Variants in USP40 observed in about 807,000 individuals in gnomAD.
USP40 encodes the protein ubiquitin carboxyl-terminal hydrolase 40.
A neutral mutation model predicts 166.2 loss-of-function variants in USP40; 143 were observed. The ratio of observed to expected loss-of-function variants is 0.86; its 90% CI spans 0.75 to 0.99. The LOEUF is 0.99. Among genes scored for constraint, USP40 ranks in the 50% least tolerant of loss-of-function variants. USP40 has a pLI of 0.00. For synonymous variants in USP40, 498 were observed against 524.0 expected, an observed-to-expected ratio of 0.95 and a Z score of 0.68; for missense variants, 1,444 against 1,479.7, an observed-to-expected ratio of 0.98 and a Z score of 0.40.
intron 10 of USP40, among the ~76,000 whole-genome samples, chr2:233,539,212 C>A (rs79039941): frequency 8.2e-5 from 12 of 146,960 alleles, no homozygotes; most frequent in East Asian, 2.0e-4. Context: ...ATAGAAAAGG[C>A]AAAAAAAAAA....
chr2:233,530,286 A>C (rs2068419250), intron 11 of USP40, among the ~76,000 whole-genome samples: 1 of 151,892 alleles, frequency 6.6e-6, no homozygotes, highest in Non-Finnish European at 1.5e-5. Context: ...CAACAAATCT[A>C]TTTTCATTTC....
rs1227388181 is a variant in USP40 at position 233,562,781 on chromosome 2, T to C, written c.222A>G (p.Pro74=). The part of the protein sequence containing the change: ...EFREALFSLG[P]EELGLFEDKD... ...TATCTTCAAACAAACCAAGCTCTTC[T>C]GGGCCAAGAGAAAATAGAGCTTCTA... Residue 74 remains proline (P), a synonymous_variant, in exon 3 of 32, where the codon CCA becomes CCG. Transcript: ENST00000678225. 11 of 1,536,580 alleles carry C rather than the reference T, an allele frequency of 7.2e-6. No homozygotes were observed. The highest frequency in any genetic ancestry group is 9.7e-6 in the Non-Finnish European group (11 of 1,139,278).
intron 23 of USP40, among the ~76,000 whole-genome samples, chr2:233,497,162 A>C (rs2125096945): frequency 6.6e-6 from 1 of 152,302 alleles, no homozygotes; most frequent in East Asian, 1.9e-4. Context: ...TAACAGAAGG[A>C]ATTTCTCACG....
Position 233,475,940 on chromosome 2 carries a change from A to C in USP40, c.*1452T>G. The C allele has an allele frequency of 6.6e-6, 1 of 152,542 alleles. No homozygotes were observed. Among genetic ancestry groups the C allele is most frequent in the East Asian group, 1.9e-4 (1 of 5,328 alleles). 9.4% of individuals were successfully genotyped at this position (152,542 alleles called of 1,614,324 possible). ...ATCTCCCTCTGCAAAGACGCAGTCT[A>C]CACCCAGTGCGAGTCTCCTGAGCGG... On this transcript the variant is annotated 3_prime_UTR_variant, in exon 32 of 32. Coordinates refer to ENST00000678225, the MANE Select transcript of USP40 (RefSeq NM_001365479.2).
chr2:233,499,615 A>AT (rs1208739463), intron 22 of USP40, among the ~76,000 whole-genome samples: 3 of 152,186 alleles, frequency 2.0e-5, no homozygotes, highest in African/African-American at 7.2e-5. Flanking sequence ...CCTAATTTAC[A>AT]TTCCCACCAA....
At chr2:233,529,814 C>CTTTTTCTTTTTCT (rs776660309) in intron 11 of USP40, among the ~76,000 whole-genome samples, 1,343 of 133,870 alleles carry the variant, frequency 0.01, 44 homozygotes, top group African/African-American at 0.037. Flanking sequence ...TTTTCTTTTT[C>CTTTTTCTTTTTCT]TTTTTTTTTT....
chr2:233,495,599 CA>C (rs2125090899), intron 24 of USP40, among the ~76,000 whole-genome samples: 1 of 151,916 alleles, frequency 6.6e-6, no homozygotes, highest in Admixed American at 6.6e-5. Flanking sequence ...TCTTCAGTAA[CA>C]AAAAATGAGG....
rs376341226 is a variant in USP40, at chr2:233,485,551, C to T, written c.3484G>A (p.Gly1162Arg). The T allele has an allele frequency of 1.6e-5, 26 of 1,613,708 alleles. No individual in the cohort carries two copies. The highest frequency in any genetic ancestry group is 2.2e-5 in the East Asian group (1 of 44,894). Residue 1162 changes from glycine to arginine, a missense_variant, in exon 30 of 32, where the codon GGA (glycine) becomes AGA (arginine). Coordinates refer to ENST00000678225, the MANE Select transcript of USP40 (RefSeq NM_001365479.2). ...CTTACCTTAACACCAATAGTATCTC[C>T]GTCTTTCAAGTAATACGGTGCCCCT... Reference protein sequence around the residue: ...LQGAPYYLKDGDTIGVKNLLI... With the variant: ...LQGAPYYLKDRDTIGVKNLLI...
intron 10 of USP40, among the ~76,000 whole-genome samples, chr2:233,535,537 T>C (rs576105282): frequency 6.4e-4 from 98 of 152,334 alleles, no homozygotes; most frequent in African/African-American, 2.3e-3. Flanking sequence ...GGAAGGACCA[T>C]GACCCAGGGC....
intron 5 of USP40, among the ~76,000 whole-genome samples, chr2:233,555,899 G>A (rs1469612885): frequency 6.6e-6 from 1 of 151,900 alleles, no homozygotes; most frequent in Non-Finnish European, 1.5e-5. Flanking sequence ...CAGATCATGA[G>A]GTCAGGAGAT....
chr2:233,516,125 GA>G (rs1346687465), intron 18 of USP40, among the ~76,000 whole-genome samples: 10 of 151,646 alleles, frequency 6.6e-5, no homozygotes, highest in Admixed American at 3.3e-4. Context: ...CCCACTGGCT[GA>G]AAAAAAACAG....
chr2:233,549,019 T>C, intron 8 of USP40, 82 bp downstream of exon 8: 2 of 1,401,552 alleles, frequency 1.4e-6, no homozygotes, highest in Non-Finnish European at 1.9e-6. Flanking sequence ...ATATAATAAA[T>C]GGTAAACAAA....
In USP40 at chr2:233,561,162, T is replaced by C. The variant is rs544470808; in HGVS notation, c.268-1238A>G. ...CCAGTAAATCATAGATGTAATACCT[T>C]TGCATCGGGTTTATCCTTATCTTCA... On this transcript the variant is annotated intron_variant, in intron 3 of 31. Coordinates refer to ENST00000678225, the MANE Select transcript of USP40 (RefSeq NM_001365479.2). The C allele has an allele frequency of 2.5e-6, 4 of 1,576,214 alleles. No homozygotes were observed. The Admixed American group carries it at 5.5e-5, about 22-fold the overall frequency.
In USP40 at chr2:233,559,858, C is replaced by T. The variant is rs759558539; in HGVS notation, c.334G>A (p.Ala112Thr). ...AQLLLLDQEA[A>T]STADLTDSFG... is the part of the protein sequence containing the mutation. ...CTGTCAGTGAGGTCTGCTGTGGATGCAGCTTCCTGGTCTAAGAGCAGAAGC... is the reference window on the plus strand; with the variant it reads ...CTGTCAGTGAGGTCTGCTGTGGATGTAGCTTCCTGGTCTAAGAGCAGAAGC... Residue 112 changes from alanine (A) to threonine (T), a missense_variant, in exon 4 of 32, where the codon GCA becomes ACA. By Grantham distance (58) the Ala-to-Thr change is moderately conservative (BLOSUM62 0). Transcript: ENST00000678225. The T allele has an allele frequency of 1.2e-6, 2 of 1,610,610 alleles. No homozygotes were observed. Among genetic ancestry groups the T allele is most frequent in the African/African-American group, 1.3e-5 (1 of 74,998 alleles).
chr2:233,505,227 T>C (rs2066338192), intron 21 of USP40, among the ~76,000 whole-genome samples: 1 of 151,968 alleles, frequency 6.6e-6, no homozygotes, highest in Non-Finnish European at 1.5e-5. Context: ...AATAGATGCC[T>C]AGATCAAAAA....
intron 12 of USP40, 73 bp from the exon 13 acceptor site, chr2:233,527,651 A>G (rs750202931): frequency 4.3e-5 from 57 of 1,318,946 alleles, no homozygotes; most frequent in Non-Finnish European, 5.2e-5. Flanking sequence ...CAAACCAAAG[A>G]TATCTGGCTT....
chr2:233,515,034 C>T (rs2067091190), intron 18 of USP40, among the ~76,000 whole-genome samples: 1 of 152,200 alleles, frequency 6.6e-6, no homozygotes. Context: ...CTTTCTTTCT[C>T]TTGGCATAAT....
At chr2:233,522,246 T>C (rs2067709237) in intron 16 of USP40, among the ~76,000 whole-genome samples, 1 of 152,150 alleles carries the variant, frequency 6.6e-6, no homozygotes, top group Non-Finnish European at 1.5e-5. Flanking sequence ...ATGCTAACAG[T>C]GATTAACACT....
At chr2:233,515,158 G>C (rs2067099188) in intron 18 of USP40, among the ~76,000 whole-genome samples, 1 of 152,194 alleles carries the variant, frequency 6.6e-6, no homozygotes, top group Admixed American at 6.5e-5. Context: ...CCATTCGCCT[G>C]CTCATGGGCT....
Sources: gnomAD v4.1 joint callset for allele counts (sites outside exome capture counted in the v4.1 genomes callset) on GRCh38, gnomAD v4.1.1 for gene constraint, MANE v1.5 for transcripts, NCBI Gene and HGNC (gene_info 2026-07-23, HGNC 2026-07-21) for gene names.